PIK3C2G: variants seen among roughly 807,000 people sequenced by gnomAD.
The protein encoded by PIK3C2G is phosphatidylinositol 3-kinase C2 domain-containing subunit gamma.
Under a neutral mutation model 181.1 loss-of-function variants are expected in PIK3C2G, and 168 were observed. That is an observed-to-expected ratio of 0.93 (90% CI 0.82 to 1.05). The LOEUF (loss-of-function observed/expected upper bound fraction) is 1.05. Ranked by LOEUF, PIK3C2G falls within the 50% of genes least tolerant of loss-of-function variation. PIK3C2G has a pLI of 0.00. For missense variants in PIK3C2G, 1,869 were observed against 1,732.8 expected (o/e 1.08, Z -1.40); for synonymous variants, 573 against 592.2 (o/e 0.97, Z 0.47).
At chr12:18,655,263 A>C in the PIK3C2G span, among the ~76,000 whole-genome samples, 2 of 152,190 alleles carry the variant, frequency 1.3e-5, no homozygotes, top group Non-Finnish European at 2.9e-5. Context: ...GTGGTCCTCC[A>C]GCTGAAGGAA....
At chr12:18,699,142 G>C in the PIK3C2G span, among the ~76,000 whole-genome samples, 2 of 152,154 alleles carry the variant, frequency 1.3e-5, no homozygotes, top group Non-Finnish European at 2.9e-5. Context: ...GAGACAGATG[G>C]CACCTCTACA....
the PIK3C2G span, chr12:18,719,287 T>G: frequency 1.6e-5 from 7 of 448,308 alleles, no homozygotes. Flanking sequence ...TCAAGATATG[T>G]ACAAGTAAAA....
chr12:18,579,812 G>A (rs951617051), intron 29 of PIK3C2G, among the ~76,000 whole-genome samples: 6 of 152,046 alleles, frequency 3.9e-5, no homozygotes, highest in African/African-American at 1.4e-4. Flanking sequence ...GTGGAATTGT[G>A]TTGTGGACTA....
At chr12:18,716,330 T>G in the PIK3C2G span, among the ~76,000 whole-genome samples, 1 of 152,166 alleles carries the variant, frequency 6.6e-6, no homozygotes, top group African/African-American at 2.4e-5. Context: ...CTCTAGATAG[T>G]TTTAATTTTA....
the PIK3C2G span, among the ~76,000 whole-genome samples, chr12:18,665,131 C>T: frequency 6.6e-6 from 1 of 150,868 alleles, no homozygotes; most frequent in Non-Finnish European, 1.5e-5. Context: ...ACATTGTGCA[C>T]ATGTACCCTA....
intron 31 of PIK3C2G, among the ~76,000 whole-genome samples, chr12:18,625,740 T>G (rs111388358): frequency 6.6e-4 from 101 of 152,024 alleles, no homozygotes; most frequent in African/African-American, 1.9e-3. Flanking sequence ...TGCTATGCCC[T>G]CTTGATGAAT....
the PIK3C2G span, chr12:18,694,927 T>C: frequency 6.3e-7 from 1 of 1,598,710 alleles, no homozygotes. Context: ...GTAAGTGTAA[T>C]TGGCATACCC....
rs766640895 is a variant in PIK3C2G, at chr12:18,394,867, C to CA, written c.2126+3621dup. 2.0e-5 allele frequency among the ~76,000 whole-genome samples: 3 copies of CA among 151,226 alleles called. No individual in the cohort carries two copies. The East Asian group carries it at 5.8e-4, about 29-fold the overall frequency. On this transcript the variant is annotated intron_variant, in intron 15 of 32. Transcript: ENST00000538779. The stretch of plus-strand genomic sequence containing the variant: ...ACCAAAAAGGAGAAAGATAGTGAGG[C>CA]AAAAAATAATTAAGGAGATGGCCAA...
chr12:18,701,852 T>G, the PIK3C2G span: 2 of 1,528,504 alleles, frequency 1.3e-6, no homozygotes, highest in Non-Finnish European at 1.8e-6. Context: ...GAAAAGTGTT[T>G]CACTATATTT....
the PIK3C2G span, chr12:18,699,949 G>T: frequency 6.2e-7 from 1 of 1,607,470 alleles, no homozygotes. Context: ...TAGCTTCCTG[G>T]TCTAAAAATA....
intron 31 of PIK3C2G, among the ~76,000 whole-genome samples, chr12:18,616,950 A>G (rs1346751166): frequency 6.6e-6 from 1 of 152,166 alleles, no homozygotes; most frequent in Non-Finnish European, 1.5e-5. Flanking sequence ...AATACTTTTT[A>G]TTAACAGCAA....
chr12:18,505,248 A>T, intron 23 of PIK3C2G, 44 bp from the exon 24 acceptor site: 4 of 1,503,450 alleles, frequency 2.7e-6, no homozygotes, highest in South Asian at 1.3e-5. Context: ...GCATTTGCTC[A>T]TTTTTTGTTG....
intron 18 of PIK3C2G, among the ~76,000 whole-genome samples, chr12:18,483,179 G>T (rs1363287021): frequency 6.6e-6 from 1 of 152,126 alleles, no homozygotes; most frequent in Non-Finnish European, 1.5e-5. Flanking sequence ...TAGAGCCGAA[G>T]TTTTTAGTTC....
chr12:18,401,953 A>G (rs1368881827), intron 16 of PIK3C2G, among the ~76,000 whole-genome samples: 1 of 152,134 alleles, frequency 6.6e-6, no homozygotes, highest in African/African-American at 2.4e-5. Flanking sequence ...AGCCAATTGG[A>G]AAACAGTGTG....
chr12:18,356,351 C>A (rs1436758104), intron 11 of PIK3C2G, among the ~76,000 whole-genome samples: 1 of 152,134 alleles, frequency 6.6e-6, no homozygotes, highest in Non-Finnish European at 1.5e-5. Flanking sequence ...CAGCCCCTCA[C>A]AGGAGGGGGA....
At chr12:18,281,523 TG>T (rs149175766) in intron 1 of PIK3C2G, among the ~76,000 whole-genome samples, 3 of 150,830 alleles carry the variant, frequency 2.0e-5, no homozygotes, top group Non-Finnish European at 4.5e-5. Context: ...TCGAGTTTTT[TG>T]GGGGAAAAAA....
chr12:18,425,359 T>C (rs1402803841), intron 18 of PIK3C2G, among the ~76,000 whole-genome samples: 1 of 151,914 alleles, frequency 6.6e-6, no homozygotes, highest in African/African-American at 2.4e-5. Context: ...GGGTTGCTTT[T>C]TTTCTCTAGC....
chr12:18,711,202 C>A, the PIK3C2G span, among the ~76,000 whole-genome samples: 22 of 151,610 alleles, frequency 1.5e-4, no homozygotes, highest in African/African-American at 4.8e-4. Context: ...TACTATGCAA[C>A]CATAAAAAAT....
Position 18,648,070 on chromosome 12 carries a change from T to A in PIK3C2G, c.*42T>A. 3 of 1,336,010 alleles carry A rather than the reference T, an allele frequency of 2.2e-6. No individual in the cohort carries two copies. Among genetic ancestry groups the A allele is most frequent in the Non-Finnish European group, 3.0e-6 (3 of 986,078 alleles). 82.8% of individuals were successfully genotyped at this position (1,336,010 alleles called of 1,614,324 possible). On this transcript the variant is annotated 3_prime_UTR_variant, in exon 33 of 33. Transcript: ENST00000538779. ...ATGCATTATTCATTAACTACTTGTA[T>A]TTTTTTCACTTCTGGGCCTCTGAAT...
Sources: gnomAD v4.1 joint callset for allele counts (sites outside exome capture counted in the v4.1 genomes callset) on GRCh38, gnomAD v4.1.1 for gene constraint, MANE v1.5 for transcripts, NCBI Gene and HGNC (gene_info 2026-07-23, HGNC 2026-07-21) for gene names.